The following RBM6 variants were observed in gnomAD, a reference collection of about 807,000 sequenced individuals.
The protein encoded by RBM6 is RNA binding motif protein 6.
A neutral mutation model predicts 140.4 loss-of-function variants in RBM6; 23 were observed. The ratio of observed to expected loss-of-function variants is 0.16; its 90% CI spans 0.12 to 0.23. The LOEUF (loss-of-function observed/expected upper bound fraction) is 0.23. RBM6 is among the 10% of genes least tolerant of loss of function. The pLI is 1.00. For synonymous variants in RBM6, 439 were observed against 475.6 expected (o/e 0.92, Z 1.00); for missense variants, 1,139 against 1,386.7 (o/e 0.82, Z 2.84).
At chr3:49,940,839 C>A (rs551583422) in intron 1 of RBM6, 2 of 145,278 alleles carry the variant, frequency 1.4e-5, no homozygotes, top group South Asian at 4.3e-4. Context: ...AGATGTTTTT[C>A]TCTTTATTTT....
chr3:49,988,435 C>T (rs571971482), intron 5 of RBM6, among the ~76,000 whole-genome samples: 20 of 151,900 alleles, frequency 1.3e-4, no homozygotes, highest in Admixed American at 1.2e-3. Context: ...TGAGCCAGTG[C>T]GCCTGGCCTT....
rs958368886 is a variant in RBM6 at position 50,017,417 on chromosome 3, G to T, written c.1557+17904G>T. Among the ~76,000 whole-genome samples, 19 of 152,162 alleles carry T rather than the reference G, an allele frequency of 1.2e-4. No homozygotes were observed. The East Asian group carries it at 3.7e-3, about 29-fold the overall frequency. ...CTAAAAATACAAAAAAATTAGCTGG[G>T]TGTGGTGGTGGGCGCCTGAAGTCCC... On this transcript the variant is annotated intron_variant, in intron 6 of 20. Coordinates refer to ENST00000266022, the MANE Select transcript of RBM6 (RefSeq NM_005777.3).
rs1295132451 is a variant in RBM6 at position 50,072,377 on chromosome 3, T to G, written c.3116+1825T>G. Among the ~76,000 whole-genome samples the G allele has an allele frequency of 1.3e-4, 19 of 150,442 alleles. 1 individual carries two copies. Among genetic ancestry groups the G allele is most frequent in the Admixed American group, 1.3e-3 (19 of 15,090 alleles). ...GTGAGCCAAGATTGCACCACTGTAC[T>G]CTAGCCTGGGTAATAGAGCGAGACT... On this transcript the variant is annotated intron_variant, in intron 19 of 20. Coordinates refer to ENST00000266022, the MANE Select transcript of RBM6 (RefSeq NM_005777.3).
At chr3:50,021,777 G>C (rs2087501990) in intron 6 of RBM6, among the ~76,000 whole-genome samples, 1 of 58,112 alleles carries the variant, frequency 1.7e-5, no homozygotes, top group Non-Finnish European at 3.0e-5. Flanking sequence ...TTTTGAGACA[G>C]AGTCTCACTT....
At chr3:50,024,661 A>G (rs548277162) in intron 6 of RBM6, among the ~76,000 whole-genome samples, 1 of 152,336 alleles carries the variant, frequency 6.6e-6, no homozygotes, top group African/African-American at 2.4e-5. Flanking sequence ...CGAATGAAAA[A>G]AACAGTTTTT....
At chr3:50,024,512 T>A (rs575357425) in intron 6 of RBM6, among the ~76,000 whole-genome samples, 96 of 152,298 alleles carry the variant, frequency 6.3e-4, no homozygotes, top group African/African-American at 2.3e-3. Context: ...GTAATTAGAA[T>A]CACAAAAGAT....
At chr3:50,074,884 C>T (rs547301255) in intron 19 of RBM6, among the ~76,000 whole-genome samples, 1 of 152,062 alleles carries the variant, frequency 6.6e-6, no homozygotes, top group South Asian at 2.1e-4. Flanking sequence ...CATGGTGGCT[C>T]ATGCCTGTAA....
chr3:49,978,003 A>G (rs1223601493), intron 5 of RBM6, among the ~76,000 whole-genome samples: 1 of 152,148 alleles, frequency 6.6e-6, no homozygotes, highest in Non-Finnish European at 1.5e-5. Flanking sequence ...AGTGACTTAA[A>G]AATTTTTTTT....
chr3:49,983,084 A>G (rs2085386713), intron 5 of RBM6, among the ~76,000 whole-genome samples: 2 of 152,128 alleles, frequency 1.3e-5, no homozygotes, highest in African/African-American at 4.8e-5. Flanking sequence ...GGCTCAAGCA[A>G]TCCTCCTGCC....
At chr3:49,992,368 T>C (rs2108712066) in intron 5 of RBM6, among the ~76,000 whole-genome samples, 1 of 152,338 alleles carries the variant, frequency 6.6e-6, no homozygotes, top group South Asian at 2.1e-4. Flanking sequence ...AATAGCCATG[T>C]AATCTATGGA....
chr3:50,014,527 CA>C (rs1448914216), intron 6 of RBM6, among the ~76,000 whole-genome samples: 1 of 152,112 alleles, frequency 6.6e-6, no homozygotes, highest in African/African-American at 2.4e-5. Context: ...ATTGAAAATG[CA>C]AGTGCAGATT....
At chr3:50,075,389 C>A in intron 20 of RBM6, 59 bp downstream of exon 20, 1 of 1,590,874 alleles carries the variant, frequency 6.3e-7, no homozygotes, top group Non-Finnish European at 8.6e-7. Flanking sequence ...TTAACTTTCA[C>A]TTTCTGGCCT....
chr3:49,974,581 C>G (rs1235690275), intron 4 of RBM6, among the ~76,000 whole-genome samples: 1 of 151,090 alleles, frequency 6.6e-6, no homozygotes, highest in African/African-American at 2.4e-5. Context: ...ACCGTGTTAG[C>G]CAGGATGGTC....
intron 5 of RBM6, among the ~76,000 whole-genome samples, chr3:49,982,803 T>G (rs2085373584): frequency 1.3e-5 from 2 of 152,002 alleles, no homozygotes; most frequent in African/African-American, 4.8e-5. Context: ...CTGCAGTCTC[T>G]GCCTCCTGAG....
At chr3:49,989,447 C>T (rs1258287478) in intron 5 of RBM6, among the ~76,000 whole-genome samples, 10 of 152,028 alleles carry the variant, frequency 6.6e-5, no homozygotes, top group African/African-American at 1.7e-4. Context: ...TGGTGGCACA[C>T]GCCTGTAATC....
At chr3:50,072,938 C>T (rs2090350608) in intron 19 of RBM6, among the ~76,000 whole-genome samples, 1 of 152,170 alleles carries the variant, frequency 6.6e-6, no homozygotes, top group Non-Finnish European at 1.5e-5. Flanking sequence ...ACCTTTTCTG[C>T]TCCTCTTCCT....
rs938950351 is a variant in RBM6, at chr3:50,065,058, G to C, written c.2614G>C (p.Ala872Pro). The stretch of plus-strand genomic sequence containing the variant: ...TCAGGAAAATGCCAGTGAAGGGAAG[G>C]CCCCTGCAGAAGACGTCTTTAAGAA... Reference protein sequence around the residue: ...RFQENASEGKAPAEDVFKKPL... With the variant: ...RFQENASEGKPPAEDVFKKPL... Residue 872 changes from alanine (A) to proline (P), a missense_variant, in exon 16 of 21, where the codon GCC (alanine) becomes CCC (proline). Coordinates refer to ENST00000266022, the MANE Select transcript of RBM6 (RefSeq NM_005777.3). 1.9e-6 allele frequency: 3 copies of C among 1,613,666 alleles called. No homozygotes were observed. Among genetic ancestry groups the C allele is most frequent in the African/African-American group, 2.7e-5 (2 of 74,890 alleles).
At chr3:50,012,704 A>G (rs906411649) in intron 6 of RBM6, among the ~76,000 whole-genome samples, 1 of 150,720 alleles carries the variant, frequency 6.6e-6, no homozygotes, top group African/African-American at 2.4e-5. Context: ...AAAAAGCTGC[A>G]AAAATTCCTG....
intron 1 of RBM6, among the ~76,000 whole-genome samples, chr3:49,946,604 C>T (rs1409966898): frequency 4.0e-5 from 6 of 151,628 alleles, no homozygotes; most frequent in South Asian, 2.1e-4. Context: ...GGCATGATCT[C>T]GGCTCACTGC....
Sources: gnomAD v4.1 joint callset for allele counts (sites outside exome capture counted in the v4.1 genomes callset) on GRCh38, gnomAD v4.1.1 for gene constraint, MANE v1.5 for transcripts, NCBI Gene and HGNC (gene_info 2026-07-23, HGNC 2026-07-21) for gene names.